SHPRH: variants seen among roughly 807,000 people sequenced by gnomAD.
SHPRH encodes the protein SNF2 histone linker PHD RING helicase.
Under a neutral mutation model 202.5 loss-of-function variants are expected in SHPRH, and 106 were observed. The ratio of observed to expected loss-of-function variants is 0.52; its 90% CI spans 0.45 to 0.62. The LOEUF is 0.62. Among genes scored for constraint, SHPRH ranks in the 20% least tolerant of loss-of-function variants. SHPRH has a pLI of 0.00. For missense variants in SHPRH, 1,710 were observed against 2,020.0 expected (o/e 0.85, Z 2.94); for synonymous variants, 729 against 686.0 (o/e 1.06, Z -0.98).
chr6:145,874,007 T>C (rs1780182914), intron 2 of SHPRH, among the ~76,000 whole-genome samples: 1 of 152,044 alleles, frequency 6.6e-6, no homozygotes, highest in Admixed American at 6.5e-5. Flanking sequence ...AAGACCAGCC[T>C]GGCCAACATG....
intron 14 of SHPRH, among the ~76,000 whole-genome samples, chr6:145,928,735 T>C (rs1421443290): frequency 1.3e-5 from 2 of 152,008 alleles, no homozygotes; most frequent in African/African-American, 2.4e-5. Context: ...TTTGCAACAA[T>C]AGCTCTTATA....
intron 17 of SHPRH, among the ~76,000 whole-genome samples, chr6:145,924,532 A>G (rs1784697623): frequency 6.6e-6 from 1 of 151,934 alleles, no homozygotes; most frequent in African/African-American, 2.4e-5. Context: ...GAGAACTCAA[A>G]ATAGTTGACT....
chr6:145,875,574 G>T (rs1486384256), intron 2 of SHPRH, among the ~76,000 whole-genome samples: 1 of 152,188 alleles, frequency 6.6e-6, no homozygotes, highest in Middle Eastern at 3.2e-3. Flanking sequence ...GCATGCTTTA[G>T]AATTAGTCAT....
At chr6:145,935,209 T>G (rs748504873) in intron 12 of SHPRH, 46 bp from the exon 13 acceptor site, 70 of 1,598,938 alleles carry the variant, frequency 4.4e-5, no homozygotes, top group Middle Eastern at 1.7e-4. Context: ...ATCTAAAAAT[T>G]TATCTTTCCA....
intron 26 of SHPRH, 47 bp downstream of exon 26, chr6:145,894,838 G>A (rs748957117): frequency 3.2e-6 from 5 of 1,562,228 alleles, no homozygotes; most frequent in Non-Finnish European, 4.4e-6. Context: ...GATTAGAGAG[G>A]GAAAATCAGT....
chr6:145,899,707 T>G lies in SHPRH; in HGVS notation c.4516-4730A>C, dbSNP rs187491777. ...AGCTTCTGCACAGCAAAGGAAATAA[T>G]CAACAAAGACAATCTACAGCAAAGG... On this transcript the variant is annotated intron_variant, in intron 25 of 29. Coordinates refer to ENST00000275233, the MANE Select transcript of SHPRH (RefSeq NM_001042683.3). Among the ~76,000 whole-genome samples, 286 of 152,054 alleles carry G rather than the reference T, an allele frequency of 1.9e-3. 1 individual carries two copies. The highest frequency in any genetic ancestry group is 2.9e-3 in the Non-Finnish European group (195 of 67,954).
chr6:145,883,083 A>G (rs985252616), downstream of SHPRH: 15 of 152,240 alleles, frequency 9.9e-5, no homozygotes, highest in African/African-American at 3.6e-4. Context: ...AAGGCAGACC[A>G]TTTAAAAAAG....
intron 1 of SHPRH, among the ~76,000 whole-genome samples, chr6:145,957,297 A>G (rs917775171): frequency 1.3e-5 from 2 of 152,130 alleles, no homozygotes; most frequent in South Asian, 2.1e-4. Flanking sequence ...AGCCCAAAAA[A>G]AAGGCACAAA....
At chr6:145,933,236 T>A in intron 13 of SHPRH, 58 bp from the exon 14 acceptor site, 1 of 1,611,782 alleles carries the variant, frequency 6.2e-7, no homozygotes, top group Non-Finnish European at 8.5e-7. Context: ...GTGACTTCAG[T>A]GGGAGTGTTA....
chr6:145,930,295 G>A (rs1785297466), intron 14 of SHPRH, among the ~76,000 whole-genome samples: 1 of 152,016 alleles, frequency 6.6e-6, no homozygotes, highest in African/African-American at 2.4e-5. Flanking sequence ...TGATTTCTTT[G>A]TACTTCATTT....
intron 8 of SHPRH, among the ~76,000 whole-genome samples, chr6:145,945,103 A>G (rs1268567969): frequency 6.6e-6 from 1 of 152,100 alleles, no homozygotes; most frequent in Non-Finnish European, 1.5e-5. Flanking sequence ...ACTCTATAAT[A>G]CGCTTAGCCA....
chr6:145,954,543 A>T, intron 2 of SHPRH, 147 bp downstream of exon 2: 1 of 778,230 alleles, frequency 1.3e-6, no homozygotes, highest in Non-Finnish European at 2.0e-6. Context: ...ACATACTTTG[A>T]ATAGTTATTA....
intron 3 of SHPRH, among the ~76,000 whole-genome samples, chr6:145,952,127 G>A (rs1055506043): frequency 3.3e-5 from 5 of 151,930 alleles, no homozygotes; most frequent in African/African-American, 4.8e-5. Flanking sequence ...TATTGACTCC[G>A]CAAATATTTC....
intron 1 of SHPRH, among the ~76,000 whole-genome samples, chr6:145,957,768 T>C (rs1397456399): frequency 1.3e-5 from 2 of 152,160 alleles, no homozygotes; most frequent in Non-Finnish European, 1.5e-5. Flanking sequence ...TGGAAAAGTA[T>C]CAGTTTCTAA....
chr6:145,891,819 C>A (rs1781590705), intron 28 of SHPRH, among the ~76,000 whole-genome samples: 1 of 152,028 alleles, frequency 6.6e-6, no homozygotes, highest in African/African-American at 2.4e-5. Flanking sequence ...TGCTGAATGG[C>A]CTTTTGGACT....
chr6:145,942,968 T>C (rs1199287414), intron 9 of SHPRH, among the ~76,000 whole-genome samples, 175 bp downstream of exon 9: 1 of 152,200 alleles, frequency 6.6e-6, no homozygotes, highest in Admixed American at 6.6e-5. Context: ...AAGAATAACA[T>C]TGTACTGTTC....
intron 22 of SHPRH, 169 bp from the exon 23 acceptor site, chr6:145,918,401 A>ATT (rs74909823): frequency 2.6e-4 from 83 of 323,410 alleles, no homozygotes; most frequent in Non-Finnish European, 3.2e-4. Flanking sequence ...ATTTCAAATG[A>ATT]TTTTTTTTTT....
In SHPRH at chr6:145,918,251, A is replaced by G. The variant is rs780559968; in HGVS notation, c.4153-19T>C. The G allele has an allele frequency of 6.8e-7, 1 of 1,465,764 alleles. No homozygotes were observed. Among genetic ancestry groups the G allele is most frequent in the Non-Finnish European group, 9.1e-7 (1 of 1,093,696 alleles). 90.8% of individuals were successfully genotyped at this position (1,465,764 alleles called of 1,614,324 possible). A position where few individuals can be genotyped will look rare whatever the true frequency, so the allele number is the denominator to read the frequency against. ...GTTCTACCTAAAGAAAATAAAAATA[A>G]AAACTTCTTTATTCTTTCAGAAAGA... On this transcript the variant is annotated intron_variant, in intron 22 of 29. Transcript: ENST00000275233.
chr6:145,943,604 T>C lies in SHPRH; in HGVS notation c.1777A>G (p.Ile593Val), dbSNP rs780024091. 3 of 1,613,844 alleles carry C rather than the reference T, an allele frequency of 1.9e-6. No homozygotes were observed. In the African/African-American group the frequency reaches 4.0e-5, roughly 22 times the overall value. The change falls in exon 9 of 30, where the codon ATC becomes GTC. Residue 593 changes from isoleucine (I) to valine (V), a missense_variant. Transcript: ENST00000275233. ...STKKGKSQPF[I>V]NPDSQGHCPA... is the part of the protein sequence containing the mutation. ...CAGTGACCTTGTGAATCGGGATTGA[T>C]AAATGGTTGACTTTTTCCTTTTTTT...
Sources: allele counts gnomAD v4.1 joint callset (sites outside exome capture counted in the v4.1 genomes callset), GRCh38; gene constraint gnomAD v4.1.1; transcripts MANE v1.5; gene names NCBI Gene and HGNC (gene_info 2026-07-23, HGNC 2026-07-21).